CAMKK2: variants seen among roughly 807,000 people sequenced by gnomAD.
CAMKK2 encodes the protein calcium/calmodulin-dependent protein kinase kinase 2.
CAMKK2 carries 30 observed loss-of-function variants against 67.2 expected under a neutral mutation model. That is an observed-to-expected ratio of 0.45 (90% CI 0.33 to 0.61). The LOEUF is 0.61. Ranked by LOEUF, CAMKK2 falls within the 20% of genes least tolerant of loss-of-function variation. CAMKK2 has a pLI of 0.02. For missense variants in CAMKK2, 643 were observed against 802.0 expected (o/e 0.80, Z 2.39); for synonymous variants, 322 against 326.2 (o/e 0.99, Z 0.14).
In CAMKK2 at chr12:121,291,953, G is replaced by A. The variant is rs554374031; in HGVS notation, c.-60+4685C>T. On this transcript the variant is annotated intron_variant, in intron 1 of 16. Coordinates refer to ENST00000404169, the MANE Select transcript of CAMKK2 (RefSeq NM_001270485.2). ...TGCCTGTAATCCCAGCTCCTTGGGA[G>A]GCTGAGGCAGGAGAATCGCTTGAAC... 2.6e-5 allele frequency among the ~76,000 whole-genome samples: 4 copies of A among 152,050 alleles called. 1 individual carries two copies. The highest frequency in any genetic ancestry group is 9.6e-5 in the African/African-American group (4 of 41,500).
intron 6 of CAMKK2, among the ~76,000 whole-genome samples, chr12:121,261,212 T>G (rs1309718900): frequency 4.6e-5 from 7 of 152,042 alleles, no homozygotes; most frequent in Non-Finnish European, 1.0e-4. Context: ...CCAGGGAATA[T>G]CTGATGAATG....
At position 121,240,785 on chromosome 12, in the gene CAMKK2, AG is replaced by A. The variant is rs1456553731; in HGVS notation, c.1680del (p.Cys561AlafsTer80). On this transcript the variant is annotated frameshift_variant, in exon 17 of 17. Coordinates refer to ENST00000404169, the MANE Select transcript of CAMKK2 (RefSeq NM_001270485.2). LOFTEE classifies it low-confidence loss of function (END_TRUNC). This position sits in a 1 kb window ranked among gnomAD's most constrained non-coding sequence, Gnocchi z 4.4. ...GCGGGGGCCCAGCAACTTTCCACGC[AG>A]GGACTGCCTCTCACAAGAGCACTTC... Reference protein sequence around the residue: ...GGGSALVRGSPCVESCWAPAP... With the variant: ...GGGSALVRGSXCVESCWAPAP... 1 of 1,609,412 alleles carries A rather than the reference AG, an allele frequency of 6.2e-7. No individual in the cohort carries two copies.
chr12:121,255,671 C>G (rs766653920), intron 8 of CAMKK2, 33 bp from the exon 9 acceptor site: 2 of 1,608,660 alleles, frequency 1.2e-6, no homozygotes, highest in Admixed American at 3.4e-5. Flanking sequence ...AAACACAAAG[C>G]AGACCCGCCA....
At chr12:121,276,715 G>T (rs771810436) in intron 1 of CAMKK2, among the ~76,000 whole-genome samples, 24 of 151,964 alleles carry the variant, frequency 1.6e-4, no homozygotes, top group Admixed American at 1.0e-3. Context: ...GTGAAACCCC[G>T]TCTCTACTAA....
intron 1 of CAMKK2, among the ~76,000 whole-genome samples, chr12:121,287,691 G>A (rs1202865183): frequency 6.6e-6 from 1 of 152,240 alleles, no homozygotes; most frequent in Non-Finnish European, 1.5e-5. Flanking sequence ...TGTGGGCCAG[G>A]TACAGTGGTG....
intron 7 of CAMKK2, among the ~76,000 whole-genome samples, chr12:121,257,467 C>T (rs986063568): frequency 2.0e-5 from 3 of 152,042 alleles, no homozygotes; most frequent in East Asian, 1.9e-4. Context: ...AGGCTGGTCT[C>T]GAACTTCTGA....
rs1889988522 is a variant in CAMKK2, at chr12:121,248,586, CA to C, written c.1452+19del. 1 of 1,614,026 alleles carries C rather than the reference CA, an allele frequency of 6.2e-7. No individual in the cohort carries two copies. The highest frequency in any genetic ancestry group is 2.2e-5 in the East Asian group (1 of 44,876). ...AGGCTCCTGGGTCCCTGCTCTGGGT[CA>C]GGGGTCCATCCACCTTACCACGGTT... On this transcript the variant is annotated intron_variant, in intron 14 of 16. Coordinates refer to ENST00000404169, the MANE Select transcript of CAMKK2 (RefSeq NM_001270485.2).
Position 121,269,586 on chromosome 12 carries a change from A to G in CAMKK2, c.520-5T>C, listed in dbSNP as rs1895312635. On this transcript the variant is annotated splice_region_variant and splice_polypyrimidine_tract_variant and intron_variant, in intron 3 of 16. Coordinates refer to ENST00000404169, the MANE Select transcript of CAMKK2 (RefSeq NM_001270485.2). ...CTTGACGACACCATAGGAGCCCTGGATAAAGGGAGATGCCCATGACATACT... is the reference window on the plus strand; with the variant it reads ...CTTGACGACACCATAGGAGCCCTGGGTAAAGGGAGATGCCCATGACATACT... The G allele has an allele frequency of 6.2e-7, 1 of 1,603,462 alleles. No individual in the cohort carries two copies. The highest frequency in any genetic ancestry group is 8.5e-7 in the Non-Finnish European group (1 of 1,173,406).
At chr12:121,297,709 G>A (rs760825706), upstream of CAMKK2, 5 of 517,586 alleles carry the variant, frequency 9.7e-6, no homozygotes, top group Middle Eastern at 3.2e-4. Flanking sequence ...CGAGTTGACA[G>A]GAGAGTCAAC....
chr12:121,266,608 G>A (rs1265862919), intron 5 of CAMKK2, among the ~76,000 whole-genome samples: 1 of 150,988 alleles, frequency 6.6e-6, no homozygotes, highest in Non-Finnish European at 1.5e-5. Context: ...GCAATTCTCT[G>A]CCTCAGCCTC....
intron 14 of CAMKK2, among the ~76,000 whole-genome samples, chr12:121,248,157 G>A (rs1889876541): frequency 6.6e-6 from 1 of 152,218 alleles, no homozygotes; most frequent in African/African-American, 2.4e-5. Flanking sequence ...CTCAGGAGAT[G>A]GGCAGAACTT....
chr12:121,275,557 ATAT>A (rs1896648697), intron 1 of CAMKK2, among the ~76,000 whole-genome samples: 1 of 152,022 alleles, frequency 6.6e-6, no homozygotes, highest in Admixed American at 6.6e-5. Flanking sequence ...AACCTCTAAA[ATAT>A]TATGCTAACT....
At chr12:121,244,667 C>T in intron 15 of CAMKK2, 52 bp from the exon 16 acceptor site, 1 of 1,421,598 alleles carries the variant, frequency 7.0e-7, no homozygotes, top group Non-Finnish European at 9.6e-7. Flanking sequence ...CCCTTGGGAT[C>T]CACGGGATGC....
upstream of CAMKK2, chr12:121,297,483 G>C: frequency 2.4e-6 from 1 of 419,090 alleles, no homozygotes; most frequent in Middle Eastern, 7.2e-4. Flanking sequence ...TGGCTACTTA[G>C]ATGCTTTTTG....
chr12:121,290,384 G>A (rs1363027874), intron 1 of CAMKK2, among the ~76,000 whole-genome samples: 2 of 152,136 alleles, frequency 1.3e-5, no homozygotes, highest in African/African-American at 4.8e-5. Flanking sequence ...AATCACATGG[G>A]GACCTTCATT....
At chr12:121,262,201 C>T (rs1037966624) in intron 6 of CAMKK2, among the ~76,000 whole-genome samples, 5 of 152,170 alleles carry the variant, frequency 3.3e-5, no homozygotes, top group African/African-American at 1.2e-4. Context: ...CACTCTTCTA[C>T]TTTTTATTTT....
chr12:121,244,658 C>T (rs61953429), intron 15 of CAMKK2, 43 bp from the exon 16 acceptor site: 3 of 1,496,004 alleles, frequency 2.0e-6, no homozygotes, highest in Admixed American at 4.1e-5. Flanking sequence ...GAGAAGGGAC[C>T]CTTGGGATCC....
At chr12:121,289,101 G>A (rs1899415298) in intron 1 of CAMKK2, among the ~76,000 whole-genome samples, 1 of 152,082 alleles carries the variant, frequency 6.6e-6, no homozygotes, top group African/African-American at 2.4e-5. Context: ...AGCGGGCTGG[G>A]TGAAGGGTCG....
intron 14 of CAMKK2, 134 bp downstream of exon 14, chr12:121,248,472 G>T: frequency 1.0e-6 from 1 of 979,214 alleles, no homozygotes; most frequent in Non-Finnish European, 1.5e-6. Context: ...AGGCCCAGAG[G>T]CCAGCAGCTG....
Sources: allele counts gnomAD v4.1 joint callset (sites outside exome capture counted in the v4.1 genomes callset), GRCh38; gene constraint gnomAD v4.1.1; non-coding constraint Gnocchi (gnomAD v3.1); transcripts MANE v1.5; gene names NCBI Gene and HGNC (gene_info 2026-07-23, HGNC 2026-07-21).